Variants in RIC1 observed in about 807,000 individuals in gnomAD.
The protein encoded by RIC1 is guanine nucleotide exchange factor subunit RIC1.
Under a neutral mutation model 169.0 loss-of-function variants are expected in RIC1, and 88 were observed. The observed-to-expected ratio is 0.52, with a 90% CI of 0.44 to 0.62. RIC1 has a LOEUF of 0.62. RIC1 is among the 20% of genes least tolerant of loss of function. The probability of loss-of-function intolerance (pLI) is 0.00; values close to 1 mark genes in which losing one functional copy is unlikely to be tolerated. For synonymous variants in RIC1, 790 were observed against 601.5 expected (o/e 1.31, Z -4.59); for missense variants, 1,877 against 1,725.5 (o/e 1.09, Z -1.56).
chr9:5,750,333 G>C (rs1825647894), intron 12 of RIC1, among the ~76,000 whole-genome samples: 1 of 151,836 alleles, frequency 6.6e-6, no homozygotes, highest in Non-Finnish European at 1.5e-5. Flanking sequence ...GAGGGTGTTG[G>C]TTTGATGGTT....
At chr9:5,769,640 C>T (rs1422566306) in intron 22 of RIC1, 1 of 370,320 alleles carries the variant, frequency 2.7e-6, no homozygotes, top group Non-Finnish European at 4.8e-6. Flanking sequence ...AGGCCACCTT[C>T]TAAACTAGGA....
At chr9:5,643,367 G>C (rs771236092) in intron 1 of RIC1, among the ~76,000 whole-genome samples, 2 of 152,050 alleles carry the variant, frequency 1.3e-5, no homozygotes, top group African/African-American at 4.8e-5. Flanking sequence ...CCAGGAGTTT[G>C]AGTGATTCTA....
chr9:5,707,773 A>T (rs1414723176), intron 3 of RIC1, among the ~76,000 whole-genome samples: 3 of 152,098 alleles, frequency 2.0e-5, no homozygotes, highest in Non-Finnish European at 4.4e-5. Context: ...GATCTAAAGT[A>T]ATTTTCTTGT....
At chr9:5,727,441 A>G (rs1265770542) in intron 6 of RIC1, among the ~76,000 whole-genome samples, 4 of 152,174 alleles carry the variant, frequency 2.6e-5, no homozygotes, top group Non-Finnish European at 4.4e-5. Context: ...CATTTGTCTA[A>G]TCTTTTTTCA....
chr9:5,710,266 G>T (rs991238527), intron 3 of RIC1, among the ~76,000 whole-genome samples: 1 of 152,146 alleles, frequency 6.6e-6, no homozygotes, highest in African/African-American at 2.4e-5. Flanking sequence ...ACTGAATAAG[G>T]ATTCCTATGT....
chr9:5,637,720 C>G (rs1038052558), intron 1 of RIC1, among the ~76,000 whole-genome samples: 1 of 152,194 alleles, frequency 6.6e-6, no homozygotes, highest in Non-Finnish European at 1.5e-5. Flanking sequence ...ATGTTTGTCT[C>G]TCTATGCCTT....
downstream of RIC1, among the ~76,000 whole-genome samples, chr9:5,778,239 A>T (rs950345573): frequency 3.3e-5 from 5 of 152,222 alleles, no homozygotes; most frequent in African/African-American, 1.2e-4. Flanking sequence ...TATAAATACA[A>T]TTGCTTCTGT....
chr9:5,724,045 G>C (rs4291329), intron 6 of RIC1, among the ~76,000 whole-genome samples: 66,061 of 151,184 alleles, frequency 0.44, 15,543 homozygotes, highest in East Asian at 0.85. Flanking sequence ...AATGCAGGCT[G>C]TTTTTTGGTT....
At chr9:5,700,086 A>T (rs1488210730) in intron 3 of RIC1, among the ~76,000 whole-genome samples, 1 of 151,206 alleles carries the variant, frequency 6.6e-6, no homozygotes, top group East Asian at 1.9e-4. Context: ...GTCCCCACCC[A>T]ACCCCACCAA....
At chr9:5,704,470 C>T (rs558453471) in intron 3 of RIC1, among the ~76,000 whole-genome samples, 1 of 152,120 alleles carries the variant, frequency 6.6e-6, no homozygotes. Flanking sequence ...TCTTGGCCCC[C>T]CAAAGTGCTG....
rs138594216 is a variant in RIC1 at position 5,674,548 on chromosome 9, C to T, written c.253-15411C>T. ...CAAAAGGGAAAAAATAAGCTGAAAG[C>T]CCAGTCATGCAAGAAACTGCCTTTC... On this transcript the variant is annotated intron_variant, in intron 2 of 25. Transcript: ENST00000414202. 1.9e-3 allele frequency among the ~76,000 whole-genome samples: 288 copies of T among 152,256 alleles called. 1 individual carries two copies. The East Asian group carries it at 0.024, about 12-fold the overall frequency.
intron 1 of RIC1, among the ~76,000 whole-genome samples, chr9:5,643,889 G>A (rs1818374396): frequency 6.6e-6 from 1 of 152,108 alleles, no homozygotes; most frequent in Non-Finnish European, 1.5e-5. Context: ...TCATGAGCAG[G>A]CATCAATTGG....
chr9:5,742,778 TG>T (rs1825153132), intron 8 of RIC1, 90 bp from the exon 9 acceptor site: 3 of 1,172,326 alleles, frequency 2.6e-6, no homozygotes, highest in Admixed American at 5.0e-5. Context: ...CATTTAGATT[TG>T]AAAATACAGA....
intron 3 of RIC1, among the ~76,000 whole-genome samples, chr9:5,695,696 G>T (rs1821858616): frequency 6.6e-6 from 1 of 150,484 alleles, no homozygotes; most frequent in Non-Finnish European, 1.5e-5. Context: ...TCTCAATCCT[G>T]AGTAGCTGGG....
chr9:5,769,262 G>A lies in RIC1; in HGVS notation c.3424+6G>A. Reference sequence around the variant, plus strand: ...AAATGGAAAATACCGAACTGGTAATGTAGACTTCATGTCACTTGTACAAGG... The same window carrying A: ...AAATGGAAAATACCGAACTGGTAATATAGACTTCATGTCACTTGTACAAGG... On this transcript the variant is annotated splice_donor_region_variant and intron_variant, in intron 22 of 25. Transcript: ENST00000414202. 4 of 1,614,022 alleles carry A rather than the reference G, an allele frequency of 2.5e-6. No individual in the cohort carries two copies. The highest frequency in any genetic ancestry group is 1.6e-4 in the Middle Eastern group (1 of 6,062).
rs1819821372 is a variant in RIC1, at chr9:5,667,147, T to TGA, written c.252+10457_252+10458insGA. On this transcript the variant is annotated intron_variant, in intron 2 of 25. Coordinates refer to ENST00000414202, the MANE Select transcript of RIC1 (RefSeq NM_020829.4). ...ACAGGGGAGCCTGGGGGACATAGCA[T>TGA]AATGCCATCGCTACAAAAAATAAAC... is the stretch of plus-strand genomic sequence containing the variant. 5.9e-5 allele frequency among the ~76,000 whole-genome samples: 9 copies of TGA among 151,544 alleles called. No homozygotes were observed. In the South Asian group the frequency reaches 1.5e-3, roughly 25 times the overall value.
chr9:5,745,777 G>A (rs1240135552), intron 10 of RIC1, among the ~76,000 whole-genome samples, 154 bp from the exon 11 acceptor site: 1 of 152,150 alleles, frequency 6.6e-6, no homozygotes, highest in African/African-American at 2.4e-5. Flanking sequence ...CTGAAGGTGT[G>A]ATTCTTGTCT....
chr9:5,747,431 C>G lies in RIC1; in HGVS notation c.1378C>G (p.Pro460Ala). The change falls in exon 12 of 26, where the codon CCA becomes GCA. Residue 460 changes from proline (P) to alanine (A), a missense_variant. Physicochemically the swap from Pro to Ala is conservative, Grantham distance 27. This residue lies in a region of RIC1 where 1,104 missense variants were observed against 992.0 expected (regional missense o/e 1.11). Transcript: ENST00000414202. ...GCATAAGCCCAGTCGAGAAAAGAGC[C>G]CATTTGCAGATGGAGGTTTAGAGTC... ...SEHKPSREKS[P>A]FADGGLESQG... is the part of the protein sequence containing the mutation. The G allele has an allele frequency of 6.2e-7, 1 of 1,614,018 alleles. No individual in the cohort carries two copies. Among genetic ancestry groups the G allele is most frequent in the Non-Finnish European group, 8.5e-7 (1 of 1,179,938 alleles).
At chr9:5,716,164 T>TA (rs1435029753) in intron 4 of RIC1, among the ~76,000 whole-genome samples, 1 of 151,222 alleles carries the variant, frequency 6.6e-6, no homozygotes, top group Admixed American at 6.6e-5. Context: ...AATTTAAACA[T>TA]ACATTTAACA....
Sources: gnomAD v4.1 joint callset for allele counts (sites outside exome capture counted in the v4.1 genomes callset) on GRCh38, gnomAD v4.1.1 for gene constraint, gnomAD v4.1.1 regional missense constraint, MANE v1.5 for transcripts, NCBI Gene and HGNC (gene_info 2026-07-23, HGNC 2026-07-21) for gene names.